The following CLSTN2 variants were observed in gnomAD, a reference collection of about 807,000 sequenced individuals.
The protein encoded by CLSTN2 is calsyntenin 2.
CLSTN2 carries 48 observed loss-of-function variants against 101.2 expected under a neutral mutation model. The ratio of observed to expected loss-of-function variants is 0.47; its 90% CI spans 0.38 to 0.60. The LOEUF (loss-of-function observed/expected upper bound fraction) is 0.60. CLSTN2 is among the 20% of genes least tolerant of loss of function. CLSTN2 has a pLI of 0.00. For synonymous variants in CLSTN2, 481 were observed against 463.6 expected (o/e 1.04, Z -0.48); for missense variants, 1,160 against 1,238.2 (o/e 0.94, Z 0.95).
chr3:140,434,558 A>G (rs1445856361), intron 5 of CLSTN2, among the ~76,000 whole-genome samples: 2 of 152,172 alleles, frequency 1.3e-5, no homozygotes, highest in Non-Finnish European at 2.9e-5. Context: ...TACAGTGGCC[A>G]GGCTTGAGAA....
intron 2 of CLSTN2, among the ~76,000 whole-genome samples, chr3:140,261,234 G>A (rs1466140768): frequency 2.0e-5 from 3 of 151,980 alleles, no homozygotes; most frequent in African/African-American, 7.2e-5. Context: ...AGATTTGTCT[G>A]TTCTTCATTT....
chr3:140,227,888 A>C (rs2107857703), intron 2 of CLSTN2, among the ~76,000 whole-genome samples: 1 of 152,300 alleles, frequency 6.6e-6, no homozygotes, highest in Non-Finnish European at 1.5e-5. Flanking sequence ...CAGGACACCA[A>C]GTCCCTAGAC....
intron 2 of CLSTN2, among the ~76,000 whole-genome samples, chr3:140,229,167 A>G (rs1168830740): frequency 6.6e-6 from 1 of 152,170 alleles, no homozygotes; most frequent in African/African-American, 2.4e-5. Context: ...GAGCCTAGAT[A>G]GCCCCAGGAA....
intron 4 of CLSTN2, among the ~76,000 whole-genome samples, chr3:140,407,385 T>A (rs532093145): frequency 2.6e-4 from 40 of 152,016 alleles, no homozygotes; most frequent in African/African-American, 9.7e-4. Context: ...GAAGACACAA[T>A]GTGGAGTCAA....
chr3:140,327,212 T>C (rs938920642), intron 2 of CLSTN2, among the ~76,000 whole-genome samples: 5 of 152,202 alleles, frequency 3.3e-5, no homozygotes, highest in African/African-American at 1.2e-4. Flanking sequence ...TCATTAGAAT[T>C]GAAGCTAGGC....
At chr3:140,496,277 G>T (rs1201117964) in intron 8 of CLSTN2, among the ~76,000 whole-genome samples, 13 of 152,102 alleles carry the variant, frequency 8.5e-5, no homozygotes, top group African/African-American at 3.1e-4. Context: ...TCTGTTCTTG[G>T]TGTATAGGAA....
intron 9 of CLSTN2, among the ~76,000 whole-genome samples, chr3:140,539,763 G>C (rs1182446765): frequency 6.6e-6 from 1 of 152,190 alleles, no homozygotes; most frequent in South Asian, 2.1e-4. Flanking sequence ...TTTTGCCAAT[G>C]AGGAAACTGG....
chr3:140,487,930 T>A (rs57668429), intron 8 of CLSTN2, among the ~76,000 whole-genome samples: 3,631 of 152,338 alleles, frequency 0.024, 167 homozygotes, highest in African/African-American at 0.082. Context: ...ACAATAGGGT[T>A]ATAAATATGA....
intron 1 of CLSTN2, among the ~76,000 whole-genome samples, chr3:140,142,279 A>G (rs1307576029): frequency 6.6e-6 from 1 of 152,156 alleles, no homozygotes; most frequent in African/African-American, 2.4e-5. Flanking sequence ...TAATGGAGGT[A>G]TCTGCTTGAA....
intron 2 of CLSTN2, among the ~76,000 whole-genome samples, chr3:140,268,984 G>T (rs970388700): frequency 1.3e-5 from 2 of 152,136 alleles, no homozygotes; most frequent in African/African-American, 2.4e-5. Context: ...ATTCAGTAGA[G>T]ATTTGTTTAT....
chr3:140,253,644 T>C (rs991941039), intron 2 of CLSTN2, among the ~76,000 whole-genome samples: 1 of 152,120 alleles, frequency 6.6e-6, no homozygotes, highest in African/African-American at 2.4e-5. Context: ...GACCTGTTTC[T>C]TTATTTGCCA....
intron 2 of CLSTN2, among the ~76,000 whole-genome samples, chr3:140,282,198 T>C (rs1241485547): frequency 6.6e-6 from 1 of 152,200 alleles, no homozygotes; most frequent in African/African-American, 2.4e-5. Context: ...GGTTTATTCT[T>C]ACAAAATAGC....
chr3:140,328,242 T>G (rs1435365143), intron 2 of CLSTN2, among the ~76,000 whole-genome samples: 2 of 152,170 alleles, frequency 1.3e-5, no homozygotes. Context: ...TTTTTCTTTT[T>G]AATCTTTCCC....
At chr3:140,507,862 T>C (rs1301265208) in intron 8 of CLSTN2, 3 of 152,194 alleles carry the variant, frequency 2.0e-5, no homozygotes, top group Non-Finnish European at 4.4e-5. Context: ...AAATAATCGA[T>C]TCTTCCTGCA....
At chr3:140,374,700 C>T (rs1260415720) in intron 2 of CLSTN2, among the ~76,000 whole-genome samples, 1 of 152,158 alleles carries the variant, frequency 6.6e-6, no homozygotes, top group Non-Finnish European at 1.5e-5. Flanking sequence ...CTAAATGATC[C>T]TGTAGCTCTT....
chr3:140,327,960 A>G (rs2087347415), intron 2 of CLSTN2, among the ~76,000 whole-genome samples: 1 of 152,224 alleles, frequency 6.6e-6, no homozygotes, highest in Non-Finnish European at 1.5e-5. Flanking sequence ...CTGGAGCCCT[A>G]GCACCTCAGG....
At chr3:140,306,070 A>G (rs1011223910) in intron 2 of CLSTN2, among the ~76,000 whole-genome samples, 1 of 152,198 alleles carries the variant, frequency 6.6e-6, no homozygotes, top group Non-Finnish European at 1.5e-5. Context: ...ACACCCTCAT[A>G]GAAATGTATC....
chr3:140,450,274 T>C (rs146674344), intron 6 of CLSTN2, among the ~76,000 whole-genome samples: 45 of 152,326 alleles, frequency 3.0e-4, no homozygotes, highest in African/African-American at 1.0e-3. Context: ...TCTGTCTAAA[T>C]GATGGGCATT....
intron 1 of CLSTN2, among the ~76,000 whole-genome samples, chr3:139,970,934 G>A (rs139235787): frequency 6.6e-6 from 1 of 152,318 alleles, no homozygotes; most frequent in Non-Finnish European, 1.5e-5. Context: ...GCATTACAGA[G>A]TATTATGGAG....
Sources: allele counts gnomAD v4.1 joint callset (sites outside exome capture counted in the v4.1 genomes callset), GRCh38; gene constraint gnomAD v4.1.1; transcripts MANE v1.5; gene names NCBI Gene and HGNC (gene_info 2026-07-23, HGNC 2026-07-21).